Variants in RSU1 observed in about 807,000 individuals in gnomAD.
The protein encoded by RSU1 is rsu-1.
In RSU1, 26 loss-of-function variants were observed where a neutral mutation model predicts 31.1. The ratio of observed to expected loss-of-function variants is 0.84; its 90% confidence interval spans 0.61 to 1.16. The LOEUF is 1.16. Ranked by LOEUF, RSU1 falls within the 50% of genes most tolerant of loss-of-function variation. RSU1 has a pLI of 0.00. For missense variants in RSU1, 320 were observed against 339.1 expected (o/e 0.94, Z 0.44); for synonymous variants, 164 against 136.3 (o/e 1.20, Z -1.41).
chr10:16,688,316 G>A (rs563879511), intron 8 of RSU1, among the ~76,000 whole-genome samples: 3 of 152,068 alleles, frequency 2.0e-5, no homozygotes, highest in Non-Finnish European at 4.4e-5. Flanking sequence ...CTTTAAAAAA[G>A]AAAATATAGG....
At chr10:16,698,148 G>A (rs1020785468) in intron 7 of RSU1, among the ~76,000 whole-genome samples, 1 of 151,858 alleles carries the variant, frequency 6.6e-6, no homozygotes, top group African/African-American at 2.4e-5. Context: ...AAGGATCCGG[G>A]AAGGATGACA....
chr10:16,689,752 G>A (rs552561364), intron 8 of RSU1, among the ~76,000 whole-genome samples: 18 of 152,160 alleles, frequency 1.2e-4, no homozygotes, highest in African/African-American at 4.3e-4. Context: ...TTTCATTTAA[G>A]GTTAAAAAAA....
intron 8 of RSU1, among the ~76,000 whole-genome samples, chr10:16,691,421 C>A (rs1835547230): frequency 7.4e-6 from 1 of 134,382 alleles, no homozygotes. Flanking sequence ...GACTTATTGT[C>A]TTATCAGCTA....
chr10:16,807,318 T>G (rs1838294622), intron 2 of RSU1, among the ~76,000 whole-genome samples: 1 of 152,196 alleles, frequency 6.6e-6, no homozygotes, highest in African/African-American at 2.4e-5. Flanking sequence ...AAGAAACGGA[T>G]GAAATAAGAA....
chr10:16,626,237 G>C (rs1004571838), intron 8 of RSU1, among the ~76,000 whole-genome samples: 5 of 151,854 alleles, frequency 3.3e-5, no homozygotes, highest in African/African-American at 9.7e-5. Flanking sequence ...TTTTTGTAGA[G>C]ACAGGGTCTC....
chr10:16,716,474 GCTTT>G (rs908382764), intron 7 of RSU1, among the ~76,000 whole-genome samples: 3 of 152,060 alleles, frequency 2.0e-5, no homozygotes, highest in African/African-American at 7.2e-5. Context: ...TGAAAATGCT[GCTTT>G]CTCTGGGAAG....
At chr10:16,714,771 G>A (rs544462944) in intron 7 of RSU1, among the ~76,000 whole-genome samples, 11 of 152,214 alleles carry the variant, frequency 7.2e-5, no homozygotes, top group African/African-American at 9.6e-5. Flanking sequence ...CTACTGGTGC[G>A]CAGGGCAGGA....
At chr10:16,749,686 C>A (rs748605737) in intron 7 of RSU1, among the ~76,000 whole-genome samples, 26 of 152,152 alleles carry the variant, frequency 1.7e-4, no homozygotes, top group Non-Finnish European at 3.4e-4. Context: ...ACGGGGACAA[C>A]GCAACTGGCT....
At chr10:16,657,447 G>C (rs1641025460) in intron 8 of RSU1, among the ~76,000 whole-genome samples, 2 of 150,398 alleles carry the variant, frequency 1.3e-5, no homozygotes, top group Non-Finnish European at 3.0e-5. Flanking sequence ...AAGGCAATAT[G>C]ATCAGTGCAG....
chr10:16,627,179 G>A (rs527871348), intron 8 of RSU1, among the ~76,000 whole-genome samples: 4 of 152,250 alleles, frequency 2.6e-5, no homozygotes, highest in East Asian at 1.9e-4. Context: ...TGTTAGATTC[G>A]CAGGATTTCT....
chr10:16,716,805 G>T (rs1053319579), intron 7 of RSU1, among the ~76,000 whole-genome samples: 1 of 152,088 alleles, frequency 6.6e-6, no homozygotes, highest in African/African-American at 2.4e-5. Flanking sequence ...TATGTAATAG[G>T]AGGAAATGAC....
chr10:16,708,100 T>A (rs908320421), intron 7 of RSU1, among the ~76,000 whole-genome samples: 1 of 152,182 alleles, frequency 6.6e-6, no homozygotes, highest in African/African-American at 2.4e-5. Context: ...GCCAGTAACA[T>A]GTTTAGGTTC....
At chr10:16,611,816 C>T (rs1019579271) in intron 8 of RSU1, among the ~76,000 whole-genome samples, 9 of 152,190 alleles carry the variant, frequency 5.9e-5, no homozygotes, top group African/African-American at 1.2e-4. Flanking sequence ...TTCCAGAGAG[C>T]GAGAGAGAGT....
rs549434957 is a variant in RSU1, at chr10:16,807,016, C to T, written c.109+9957G>A. On this transcript the variant is annotated intron_variant, in intron 2 of 8. Transcript: ENST00000345264. ...CAGGTGACCCACCCACGTTGGCCTC[C>T]GGAAGCGCTGGGATTACAGCAGGCA... is the stretch of plus-strand genomic sequence containing the variant. Among the ~76,000 whole-genome samples the T allele has an allele frequency of 6.2e-4, 94 of 152,258 alleles. 5 individuals carry two copies. The highest frequency in any genetic ancestry group is 6.2e-4 in the South Asian group (3 of 4,826).
At chr10:16,610,565 T>C (rs376464074) in intron 8 of RSU1, among the ~76,000 whole-genome samples, 27 of 152,254 alleles carry the variant, frequency 1.8e-4, no homozygotes, top group African/African-American at 6.5e-4. Context: ...GCACGCTCCT[T>C]ATGAGAATCT....
At chr10:16,810,685 A>G (rs1212609188) in intron 2 of RSU1, among the ~76,000 whole-genome samples, 3 of 152,166 alleles carry the variant, frequency 2.0e-5, no homozygotes, top group Non-Finnish European at 4.4e-5. Context: ...AGAAATAAAG[A>G]TATTGTTTTG....
intron 7 of RSU1, among the ~76,000 whole-genome samples, chr10:16,713,578 C>T (rs543553110): frequency 1.7e-4 from 26 of 152,214 alleles, no homozygotes; most frequent in Admixed American, 1.4e-3. Context: ...ATTTCTCATT[C>T]GGATGATGAA....
chr10:16,782,437 G>C (rs779700426), intron 2 of RSU1, among the ~76,000 whole-genome samples: 21 of 152,172 alleles, frequency 1.4e-4, no homozygotes, highest in Non-Finnish European at 2.5e-4. Flanking sequence ...ACCAGCCAAG[G>C]GGGCAGAGGT....
In RSU1 at chr10:16,627,400, T is replaced by C. The variant is rs144056064; in HGVS notation, c.732-33904A>G. On this transcript the variant is annotated intron_variant, in intron 8 of 8. Coordinates refer to ENST00000345264, the MANE Select transcript of RSU1 (RefSeq NM_012425.4). ...CAGCATTGTAGTGGCATGACAAAAA[T>C]GTTTGTAATGAAGGATCTGAGAGGT... Among the ~76,000 whole-genome samples, 795 of 152,252 alleles carry C rather than the reference T, an allele frequency of 5.2e-3. 7 individuals are homozygous for C. The highest frequency in any genetic ancestry group is 0.018 in the African/African-American group (753 of 41,548).
Sources: gnomAD v4.1 joint callset for allele counts (sites outside exome capture counted in the v4.1 genomes callset) on GRCh38, gnomAD v4.1.1 for gene constraint, MANE v1.5 for transcripts, NCBI Gene and HGNC (gene_info 2026-07-23, HGNC 2026-07-21) for gene names.